The following EFCAB8 variants were observed in gnomAD, a reference collection of about 807,000 sequenced individuals.
EFCAB8 encodes the protein EF-hand calcium-binding domain-containing protein 8.
In EFCAB8, 100 loss-of-function variants were observed where a neutral mutation model predicts 116.3. The observed-to-expected ratio is 0.86, with a 90% CI of 0.73 to 1.02. The LOEUF (loss-of-function observed/expected upper bound fraction) is 1.02, where lower values mean the gene tolerates loss of function less well. EFCAB8 is among the 50% of genes least tolerant of loss of function. The probability of loss-of-function intolerance (pLI) is 0.00; values close to 1 mark genes in which losing one functional copy is unlikely to be tolerated. For missense variants in EFCAB8, 1,320 were observed against 1,416.9 expected (o/e 0.93, Z 1.10); for synonymous variants, 558 against 567.9 (o/e 0.98, Z 0.25).
At chr20:32,887,569 C>G (rs749493733) in intron 6 of EFCAB8, among the ~76,000 whole-genome samples, 3 of 152,202 alleles carry the variant, frequency 2.0e-5, no homozygotes, top group African/African-American at 7.2e-5. Flanking sequence ...AGCGAGACTC[C>G]GTCTCAATAA....
At chr20:32,939,782 C>T (rs1377749936) in intron 22 of EFCAB8, among the ~76,000 whole-genome samples, 17 of 146,994 alleles carry the variant, frequency 1.2e-4, no homozygotes, top group Non-Finnish European at 2.0e-4. Context: ...GCAACCTCCG[C>T]CTCCCAGATT....
At chr20:32,931,007 G>A (rs1987886172) in intron 21 of EFCAB8, among the ~76,000 whole-genome samples, 171 bp from the exon 22 acceptor site, 1 of 152,188 alleles carries the variant, frequency 6.6e-6, no homozygotes, top group Non-Finnish European at 1.5e-5. Context: ...GTATGGCCTA[G>A]AAGATCCCTA....
At chr20:32,870,137 A>G (rs1269135062) in intron 3 of EFCAB8, among the ~76,000 whole-genome samples, 1 of 152,220 alleles carries the variant, frequency 6.6e-6, no homozygotes, top group Non-Finnish European at 1.5e-5. Flanking sequence ...AAAGGATAAG[A>G]AATCTCCAGT....
intron 23 of EFCAB8, among the ~76,000 whole-genome samples, chr20:32,947,118 G>A (rs1988619459): frequency 6.6e-6 from 1 of 152,294 alleles, no homozygotes. Flanking sequence ...TGTTGGGTAA[G>A]TATTTAGAAG....
At chr20:32,903,199 A>G (rs1986512486) in intron 11 of EFCAB8, among the ~76,000 whole-genome samples, 2 of 152,012 alleles carry the variant, frequency 1.3e-5, no homozygotes, top group South Asian at 4.1e-4. Context: ...CCTGGTGCCC[A>G]CCACACCGGC....
intron 13 of EFCAB8, among the ~76,000 whole-genome samples, chr20:32,907,710 G>A (rs1209902331): frequency 1.3e-5 from 2 of 152,206 alleles, no homozygotes; most frequent in African/African-American, 2.4e-5. Flanking sequence ...CGCCTCTGAT[G>A]AAGGGTCTGA....
At chr20:32,882,237 G>A (rs1273194238) in intron 5 of EFCAB8, among the ~76,000 whole-genome samples, 1 of 152,020 alleles carries the variant, frequency 6.6e-6, no homozygotes, top group Non-Finnish European at 1.5e-5. Context: ...ATGCAATTCA[G>A]CCCACTGAGG....
In EFCAB8 at chr20:32,960,031, G is replaced by T. The variant is rs749241010; in HGVS notation, c.3295-32G>T. 5.2e-6 allele frequency: 8 copies of T among 1,551,592 alleles called. 1 individual carries two copies. In the South Asian group the frequency reaches 8.3e-5, roughly 16 times the overall value. ...GGAGGAGTGCAGGGACCCCCAACTCGCAGCCTTCATTCTTGGGCGTGGCTC... is the reference window on the plus strand; with the variant it reads ...GGAGGAGTGCAGGGACCCCCAACTCTCAGCCTTCATTCTTGGGCGTGGCTC... On this transcript the variant is annotated intron_variant, in intron 25 of 26. Coordinates refer to ENST00000400522, the MANE Select transcript of EFCAB8 (RefSeq NM_001143967.2).
At chr20:32,918,688 G>C in intron 19 of EFCAB8, 114 bp downstream of exon 19, 3 of 1,053,676 alleles carry the variant, frequency 2.8e-6, no homozygotes, top group Non-Finnish European at 4.2e-6. Context: ...AGTGCCTTTA[G>C]GTCCCTCAAC....
chr20:32,959,856 G>T lies in EFCAB8; in HGVS notation c.3168G>T (p.Lys1056Asn). The change falls in exon 25 of 27, where the codon AAG (lysine) becomes AAT (asparagine). Residue 1056 changes from lysine to asparagine, a missense_variant. Transcript: ENST00000400522. ...CGCTGATGGCTCTCCTGCATGGGAA[G>T]GCAGATAAGGAGGCAGACACTTGGG... ...QAALMALLHG[K>N]ADKEADTWAK... The T allele has an allele frequency of 6.5e-7, 1 of 1,550,058 alleles. No individual in the cohort carries two copies. The highest frequency in any genetic ancestry group is 1.2e-5 in the South Asian group (1 of 83,862).
At position 32,892,255 on chromosome 20, in the gene EFCAB8, C is replaced by T. The variant is rs1985956621; in HGVS notation, c.716C>T (p.Thr239Ile). ...GACCACAAATGTGTCCGGGCCTTCACCTTTGTTGATCTGGACAGCTGTGCT... is the reference window on the plus strand; with the variant it reads ...GACCACAAATGTGTCCGGGCCTTCATCTTTGTTGATCTGGACAGCTGTGCT... ...ISDHKCVRAFTFVDLDSCALV... is the reference protein window; with the variant it reads ...ISDHKCVRAFIFVDLDSCALV... Residue 239 changes from threonine (T) to isoleucine (I), a missense_variant, in exon 8 of 27, where the codon ACC becomes ATC. By Grantham distance (89) the Thr-to-Ile change is moderately conservative. Coordinates refer to ENST00000400522, the MANE Select transcript of EFCAB8 (RefSeq NM_001143967.2). 6 of 1,551,678 alleles carry T rather than the reference C, an allele frequency of 3.9e-6. No homozygotes were observed. The highest frequency in any genetic ancestry group is 5.2e-6 in the Non-Finnish European group (6 of 1,146,996).
intron 2 of EFCAB8, among the ~76,000 whole-genome samples, chr20:32,866,178 C>A (rs1459404715): frequency 1.3e-5 from 2 of 152,140 alleles, no homozygotes; most frequent in Non-Finnish European, 2.9e-5. Context: ...AGCACTCAGT[C>A]AATGTGTGTA....
intron 11 of EFCAB8, among the ~76,000 whole-genome samples, chr20:32,903,153 C>T (rs1035460681): frequency 2.6e-4 from 39 of 152,362 alleles, no homozygotes; most frequent in East Asian, 5.8e-4. Context: ...CTGCCCATCT[C>T]GCCCATGTCC....
At chr20:32,898,268 G>T in intron 10 of EFCAB8, 1 of 479,924 alleles carries the variant, frequency 2.1e-6, no homozygotes. Context: ...ATGAAAGTAG[G>T]CTTGTGTGCT....
intron 22 of EFCAB8, among the ~76,000 whole-genome samples, chr20:32,939,123 TTCTCTTTCTTTCTTTCTTTCTTTC>T (rs1988255245): frequency 5.3e-5 from 6 of 112,844 alleles, no homozygotes; most frequent in African/African-American, 2.1e-4. Context: ...CTCTCTTTCT[TTCTCTTTCTTTCTTTCTTTCTTTC>T]TTTCTTTCTT....
At chr20:32,861,225 T>C (rs1984097873) in intron 1 of EFCAB8, among the ~76,000 whole-genome samples, 1 of 152,216 alleles carries the variant, frequency 6.6e-6, no homozygotes, top group Admixed American at 6.5e-5. Flanking sequence ...TCTTCAACAG[T>C]GGCCTTTCAC....
chr20:32,931,307 CCA>C lies in EFCAB8; in HGVS notation c.2765_2766del (p.His922LeufsTer7), dbSNP rs1460723742. 2.6e-6 allele frequency: 4 copies of C among 1,550,442 alleles called. No homozygotes were observed. Among genetic ancestry groups the C allele is most frequent in the Non-Finnish European group, 3.5e-6 (4 of 1,146,276 alleles). On this transcript the variant is annotated frameshift_variant, in exon 22 of 27. Coordinates refer to ENST00000400522, the MANE Select transcript of EFCAB8 (RefSeq NM_001143967.2). LOFTEE classifies it high-confidence loss of function. ...LIPQQLGTNFPHYIPLEDKEV... is the reference protein window; with the variant it reads ...LIPQQLGTNFXHYIPLEDKEV... ...TCCTCAGCAACTTGGGACCAACTTC[CCA>C]CACTACATTCCCTTGGAGGATAAAG... is the stretch of plus-strand genomic sequence containing the variant.
Position 32,908,391 on chromosome 20 carries a change from C to T in EFCAB8, c.1425C>T (p.Thr475=). 2 of 1,249,960 alleles carry T rather than the reference C, an allele frequency of 1.6e-6. No homozygotes were observed. Among genetic ancestry groups the T allele is most frequent in the Non-Finnish European group, 2.0e-6 (2 of 988,266 alleles). The allele number at this position is 1,249,960 out of a possible 1,614,324, so 77.4% of individuals were successfully genotyped here. ...CCTACTTCTTCGAGAAGGACAATAC[C>T]CTCATCTGCAGCACCTACTCAGTGA... is the stretch of plus-strand genomic sequence containing the variant. The part of the protein sequence containing the change: ...TSAYFFEKDN[T]LICSTYSIGI... Residue 475 remains threonine (T), a synonymous_variant, in exon 14 of 27, where the codon ACC becomes ACT. Transcript: ENST00000400522.
intron 4 of EFCAB8, among the ~76,000 whole-genome samples, chr20:32,876,513 A>C (rs1383368091): frequency 6.6e-6 from 1 of 152,278 alleles, no homozygotes; most frequent in African/African-American, 2.4e-5. Context: ...GGGAATATAC[A>C]GCTTTTTAAG....
Sources: allele counts gnomAD v4.1 joint callset (sites outside exome capture counted in the v4.1 genomes callset), GRCh38; gene constraint gnomAD v4.1.1; transcripts MANE v1.5; gene names NCBI Gene and HGNC (gene_info 2026-07-23, HGNC 2026-07-21).